VIT: variants seen among roughly 807,000 people sequenced by gnomAD.
VIT encodes the protein vitrin.
A neutral mutation model predicts 78.0 loss-of-function variants in VIT; 99 were observed. The ratio of observed to expected loss-of-function variants is 1.27; its 90% confidence interval spans 1.08 to 1.50. The LOEUF (loss-of-function observed/expected upper bound fraction) is 1.50. Ranked by LOEUF, VIT falls within the 40% of genes most tolerant of loss-of-function variation. The pLI is 0.00. For missense variants in VIT, 1,126 were observed against 875.3 expected, an observed-to-expected ratio of 1.29 and a Z score of -3.61; for synonymous variants, 374 against 334.3, an observed-to-expected ratio of 1.12 and a Z score of -1.29.
chr2:36,777,088 C>CAAAAAAAAAAAAAAAATAAA (rs1237415711), intron 9 of VIT, among the ~76,000 whole-genome samples: 1 of 69,646 alleles, frequency 1.4e-5, no homozygotes, highest in African/African-American at 3.3e-5. Flanking sequence ...GACTCTGTCT[C>CAAAAAAAAAAAAAAAATAAA]AAAAAAATTA....
At chr2:36,728,388 C>A (rs1332995719) in intron 2 of VIT, among the ~76,000 whole-genome samples, 1 of 151,778 alleles carries the variant, frequency 6.6e-6, no homozygotes, top group African/African-American at 2.4e-5. Context: ...TAAGGAAAGA[C>A]AATATTTTTG....
intron 1 of VIT, among the ~76,000 whole-genome samples, chr2:36,706,210 C>T (rs1665409314): frequency 6.6e-6 from 1 of 152,208 alleles, no homozygotes; most frequent in Admixed American, 6.5e-5. Context: ...GGCGTAGCCT[C>T]TCTAGGGACC....
At chr2:36,797,472 G>C (rs1210879614) in intron 12 of VIT, among the ~76,000 whole-genome samples, 3 of 152,190 alleles carry the variant, frequency 2.0e-5, no homozygotes, top group Admixed American at 1.3e-4. Flanking sequence ...TTGATGAGGA[G>C]AGTGTCAGGA....
chr2:36,804,773 T>C (rs549676947), intron 13 of VIT, among the ~76,000 whole-genome samples: 1 of 150,720 alleles, frequency 6.6e-6, no homozygotes, highest in Admixed American at 6.6e-5. Context: ...GAGGTTGCAG[T>C]GAGTCGAGAT....
Position 36,814,571 on chromosome 2 carries a change from AG to A in VIT, c.*212del, listed in dbSNP as rs1190498594. On this transcript the variant is annotated 3_prime_UTR_variant, in exon 16 of 16. Transcript: ENST00000379242. ...TCACAAACGTATAGAATGAGCCAAAAGGCTACATCATGTTGAGGGTGCTGGA... is the reference window on the plus strand; with the variant it reads ...TCACAAACGTATAGAATGAGCCAAAAGCTACATCATGTTGAGGGTGCTGGA... The A allele has an allele frequency of 3.5e-6, 2 of 578,784 alleles. No homozygotes were observed. Among genetic ancestry groups the A allele is most frequent in the Non-Finnish European group, 5.8e-6 (2 of 345,330 alleles). The allele number at this position is 578,784 out of a possible 1,614,324, so 35.9% of individuals were successfully genotyped here. A position where few individuals can be genotyped will look rare whatever the true frequency, so the allele number is the denominator to read the frequency against.
intron 2 of VIT, among the ~76,000 whole-genome samples, chr2:36,722,276 C>T (rs181224542): frequency 2.4e-4 from 37 of 152,296 alleles, no homozygotes; most frequent in Non-Finnish European, 4.7e-4. Flanking sequence ...AAGAGGCCGA[C>T]ACTGTAGCCA....
intron 14 of VIT, among the ~76,000 whole-genome samples, chr2:36,806,603 G>A (rs1666746438): frequency 6.6e-6 from 1 of 152,186 alleles, no homozygotes; most frequent in African/African-American, 2.4e-5. Flanking sequence ...CTGGAATGCA[G>A]TGGCGCGATC....
intron 2 of VIT, among the ~76,000 whole-genome samples, chr2:36,726,367 G>C (rs952119365): frequency 1.3e-5 from 2 of 152,044 alleles, no homozygotes; most frequent in Non-Finnish European, 2.9e-5. Context: ...AAACATGAGG[G>C]ATCAAATGTT....
intron 11 of VIT, 87 bp downstream of exon 11, chr2:36,783,489 T>C: frequency 3.0e-6 from 4 of 1,314,710 alleles, no homozygotes; most frequent in Non-Finnish European, 1.1e-6. Flanking sequence ...CACTCAAACC[T>C]GCCTCTCTCC....
intron 7 of VIT, among the ~76,000 whole-genome samples, chr2:36,771,375 A>T (rs1431508152): frequency 2.0e-5 from 3 of 152,004 alleles, no homozygotes; most frequent in Non-Finnish European, 1.5e-5. Context: ...AAAATACAAA[A>T]ATTAGCCAGA....
intron 6 of VIT, chr2:36,759,359 C>T (rs983806215): frequency 2.2e-5 from 31 of 1,406,654 alleles, no homozygotes; most frequent in South Asian, 7.7e-5. Context: ...ACATTCTGTC[C>T]GGAAATGTTT....
intron 5 of VIT, among the ~76,000 whole-genome samples, chr2:36,756,653 G>A (rs931214058): frequency 6.6e-6 from 1 of 152,160 alleles, no homozygotes; most frequent in South Asian, 2.1e-4. Context: ...AATTAGACTG[G>A]TTTCTTTGTC....
chr2:36,753,064 G>T (rs1430635472), intron 4 of VIT, among the ~76,000 whole-genome samples: 1 of 152,198 alleles, frequency 6.6e-6, no homozygotes, highest in East Asian at 1.9e-4. Context: ...CAGGGACATG[G>T]ATTAAATTGG....
At chr2:36,785,392 A>C (rs1231826107) in intron 11 of VIT, among the ~76,000 whole-genome samples, 4 of 152,090 alleles carry the variant, frequency 2.6e-5, no homozygotes, top group African/African-American at 9.7e-5. Context: ...TTCACACTGC[A>C]AGCCCCGCCA....
At chr2:36,770,248 C>T (rs915654095) in intron 7 of VIT, among the ~76,000 whole-genome samples, 23 of 152,208 alleles carry the variant, frequency 1.5e-4, no homozygotes, top group South Asian at 6.2e-4. Flanking sequence ...CAAGTCGCTT[C>T]GGCTTAGGAC....
intron 9 of VIT, among the ~76,000 whole-genome samples, chr2:36,781,342 A>G (rs984676590): frequency 6.6e-6 from 1 of 152,216 alleles, no homozygotes; most frequent in Non-Finnish European, 1.5e-5. Flanking sequence ...TTGGTTGAAT[A>G]TGTAATGAAT....
At chr2:36,766,382 A>C (rs965123789) in intron 6 of VIT, among the ~76,000 whole-genome samples, 3 of 152,034 alleles carry the variant, frequency 2.0e-5, no homozygotes, top group African/African-American at 4.8e-5. Context: ...AAAATTTTAA[A>C]TTAGGCAGGT....
chr2:36,740,196 G>T (rs149823517), intron 3 of VIT, among the ~76,000 whole-genome samples: 119 of 152,312 alleles, frequency 7.8e-4, no homozygotes, highest in Non-Finnish European at 1.1e-3. Flanking sequence ...GAAAGAGGAA[G>T]AAAGGAAAAC....
At chr2:36,754,893 C>G in intron 4 of VIT, 28 bp from the exon 5 acceptor site, 1 of 1,599,716 alleles carries the variant, frequency 6.3e-7, no homozygotes, top group Non-Finnish European at 8.5e-7. Flanking sequence ...TCTGTTCTTT[C>G]CTGAAAAATT....
Sources: allele counts gnomAD v4.1 joint callset (sites outside exome capture counted in the v4.1 genomes callset), GRCh38; gene constraint gnomAD v4.1.1; transcripts MANE v1.5; gene names NCBI Gene and HGNC (gene_info 2026-07-23, HGNC 2026-07-21).